SCAPER: variants seen among roughly 807,000 people sequenced by gnomAD.
SCAPER encodes S-phase cyclin A associated protein in the ER, also known as S phase cyclin A-associated protein in the endoplasmic reticulum.
In SCAPER, 98 loss-of-function variants were observed where a neutral mutation model predicts 182.2. The ratio of observed to expected loss-of-function variants is 0.54; its 90% CI spans 0.46 to 0.64. SCAPER has a LOEUF of 0.64. Among genes scored for constraint, SCAPER ranks in the 30% least tolerant of loss-of-function variants. The pLI is 0.00. For missense variants in SCAPER, 1,432 were observed against 1,690.0 expected (o/e 0.85, Z 2.68); for synonymous variants, 605 against 564.6 (o/e 1.07, Z -1.01).
intron 23 of SCAPER, among the ~76,000 whole-genome samples, chr15:76,572,503 T>C (rs561518045): frequency 6.6e-6 from 1 of 152,208 alleles, no homozygotes; most frequent in Non-Finnish European, 1.5e-5. Context: ...CTGCTTTCGA[T>C]TCCTCCAGAC....
chr15:76,877,471 A>G (rs1476443810), intron 2 of SCAPER, among the ~76,000 whole-genome samples: 2 of 152,148 alleles, frequency 1.3e-5, no homozygotes, highest in Non-Finnish European at 2.9e-5. Context: ...TTCTCCACAA[A>G]TTGCTTACTA....
At chr15:76,584,375 CAATT>C (rs1038495887) in intron 22 of SCAPER, among the ~76,000 whole-genome samples, 1 of 152,126 alleles carries the variant, frequency 6.6e-6, no homozygotes, top group African/African-American at 2.4e-5. Flanking sequence ...CTACAGTCAA[CAATT>C]TATTGTACAT....
At chr15:76,483,763 T>C (rs866727474) in intron 24 of SCAPER, among the ~76,000 whole-genome samples, 2 of 152,170 alleles carry the variant, frequency 1.3e-5, no homozygotes, top group East Asian at 1.9e-4. Flanking sequence ...CAATGCTACA[T>C]GTCATTGAAG....
At chr15:76,712,862 T>A (rs1363069677) in intron 17 of SCAPER, among the ~76,000 whole-genome samples, 1 of 152,138 alleles carries the variant, frequency 6.6e-6, no homozygotes, top group East Asian at 1.9e-4. Flanking sequence ...GTTTTCTAGA[T>A]ATACAATCAT....
intron 10 of SCAPER, among the ~76,000 whole-genome samples, chr15:76,770,160 C>T (rs966681051): frequency 7.1e-6 from 1 of 139,942 alleles, no homozygotes; most frequent in African/African-American, 2.7e-5. Context: ...ACAATGAGAA[C>T]ACATGGACAC....
chr15:76,348,652 A>T lies in SCAPER; in HGVS notation c.4184T>A (p.Leu1395Ter). The T allele has an allele frequency of 6.5e-7, 1 of 1,548,110 alleles. No homozygotes were observed. Among genetic ancestry groups the T allele is most frequent in the Non-Finnish European group, 8.7e-7 (1 of 1,145,562 alleles). Residue 1395 changes from leucine (L) to a stop codon, truncating the protein, a stop_gained, in exon 32 of 32, where the codon TTG (leucine) becomes TAG (stop). Coordinates refer to ENST00000563290, the MANE Select transcript of SCAPER (RefSeq NM_020843.4). LOFTEE classifies it high-confidence loss of function. The part of the protein sequence containing the change: ...QAWEEARQFF[L>*]KKEKK The stretch of plus-strand genomic sequence containing the variant: ...AAACATTTATTTTTTCTCTTTTTTC[A>T]AGAAAAACTGTCGAGCTTCTTCCCA...
At chr15:76,627,358 T>C (rs887559878) in intron 21 of SCAPER, among the ~76,000 whole-genome samples, 2 of 152,090 alleles carry the variant, frequency 1.3e-5, no homozygotes, top group African/African-American at 2.4e-5. Flanking sequence ...TGAATCTTTT[T>C]TTCCATGGGG....
At chr15:76,786,495 C>T (rs1568134660) in intron 8 of SCAPER, among the ~76,000 whole-genome samples, 1 of 152,228 alleles carries the variant, frequency 6.6e-6, no homozygotes, top group East Asian at 1.9e-4. Flanking sequence ...ACTTCCTCAA[C>T]TTGATAAAGA....
chr15:76,510,970 A>G (rs370439495), intron 23 of SCAPER, among the ~76,000 whole-genome samples: 2 of 152,180 alleles, frequency 1.3e-5, no homozygotes, highest in East Asian at 1.9e-4. Context: ...ATGGGACTGG[A>G]GACTATTATT....
At chr15:76,839,569 T>A (rs1231024326) in intron 5 of SCAPER, among the ~76,000 whole-genome samples, 1 of 152,162 alleles carries the variant, frequency 6.6e-6, no homozygotes, top group Non-Finnish European at 1.5e-5. Flanking sequence ...TAAAAATACC[T>A]TTTAAACTCC....
intron 24 of SCAPER, among the ~76,000 whole-genome samples, chr15:76,498,027 C>T (rs1183034858): frequency 8.7e-6 from 1 of 114,480 alleles, no homozygotes; most frequent in Non-Finnish European, 1.8e-5. Context: ...AAAATAAGCA[C>T]ATGAGGCCTG....
chr15:76,777,821 G>GATAA (rs1372793786), intron 8 of SCAPER, among the ~76,000 whole-genome samples: 26 of 152,270 alleles, frequency 1.7e-4, no homozygotes, highest in African/African-American at 6.0e-4. Flanking sequence ...GTCACAACCT[G>GATAA]ATAAACTCAT....
intron 20 of SCAPER, among the ~76,000 whole-genome samples, chr15:76,699,454 T>C (rs989883547): frequency 4.6e-5 from 7 of 152,178 alleles, no homozygotes; most frequent in Admixed American, 3.3e-4. Context: ...CTTAGTTTGT[T>C]GAGGGTTTTT....
rs375840429 is a variant in SCAPER, at chr15:76,470,128, G to C, written c.3078+1084C>G. On this transcript the variant is annotated intron_variant, in intron 25 of 31. Transcript: ENST00000563290. ...TAATTCCATTTCTGATTTTCAGCTT[G>C]TGATGTATCAAAATTCATTTATTCA... Among the ~76,000 whole-genome samples the C allele has an allele frequency of 1.5e-4, 23 of 152,178 alleles. No individual in the cohort carries two copies. The East Asian group carries it at 2.3e-3, about 15-fold the overall frequency.
rs1295742356 is a variant in SCAPER, at chr15:76,757,434, GATA to G, written c.1726-3489_1726-3487del. ...CAAAATTTCATTCTTCTTAAGGCTA[GATA>G]ATATTCTGTTTTATATATACACACA... On this transcript the variant is annotated intron_variant, in intron 14 of 31. Coordinates refer to ENST00000563290, the MANE Select transcript of SCAPER (RefSeq NM_020843.4). Among the ~76,000 whole-genome samples, 5 of 145,102 alleles carry G rather than the reference GATA, an allele frequency of 3.4e-5. No individual in the cohort carries two copies. In the South Asian group the frequency reaches 6.8e-4, roughly 20 times the overall value.
intron 23 of SCAPER, among the ~76,000 whole-genome samples, chr15:76,533,674 A>T (rs1444639085): frequency 6.6e-6 from 1 of 151,912 alleles, no homozygotes; most frequent in Non-Finnish European, 1.5e-5. Context: ...TAAAATTATT[A>T]CACATTTCCT....
intron 8 of SCAPER, among the ~76,000 whole-genome samples, chr15:76,784,602 A>T (rs1311226674): frequency 6.6e-6 from 1 of 152,240 alleles, no homozygotes; most frequent in Non-Finnish European, 1.5e-5. Context: ...AAAAGAACAA[A>T]GCTGAAGGCA....
chr15:76,625,663 G>A lies in SCAPER; in HGVS notation c.2646-3834C>T, dbSNP rs1315569014. Among the ~76,000 whole-genome samples, 3 of 152,148 alleles carry A rather than the reference G, an allele frequency of 2.0e-5. No homozygotes were observed. The East Asian group carries it at 5.8e-4, about 29-fold the overall frequency. On this transcript the variant is annotated intron_variant, in intron 21 of 31. Transcript: ENST00000563290. ...AGCTGCTCAGGGCTCAGGAGTATGT[G>A]AGGCCCAAGCATGGACTCCCTCTCT...
chr15:76,894,836 GAAGA>G (rs1486560434), intron 1 of SCAPER, among the ~76,000 whole-genome samples: 1 of 152,056 alleles, frequency 6.6e-6, no homozygotes, highest in Non-Finnish European at 1.5e-5. Flanking sequence ...ACTGAATCAT[GAAGA>G]AATAAAAAAT....
Sources: allele counts gnomAD v4.1 joint callset (sites outside exome capture counted in the v4.1 genomes callset), GRCh38; gene constraint gnomAD v4.1.1; transcripts MANE v1.5; gene names NCBI Gene and HGNC (gene_info 2026-07-23, HGNC 2026-07-21).